CNNM1: variants seen among roughly 807,000 people sequenced by gnomAD.
The protein encoded by CNNM1 is metal transporter CNNM1.
Under a neutral mutation model 78.8 loss-of-function variants are expected in CNNM1, and 44 were observed. The ratio of observed to expected loss-of-function variants is 0.56; its 90% CI spans 0.44 to 0.72. The LOEUF (loss-of-function observed/expected upper bound fraction) is 0.72, where lower values mean the gene tolerates loss of function less well. CNNM1 is among the 30% of genes least tolerant of loss of function. The pLI is 0.00. For synonymous variants in CNNM1, 584 were observed against 581.5 expected (o/e 1.00, Z -0.06); for missense variants, 1,101 against 1,292.2 (o/e 0.85, Z 2.27).
At chr10:99,356,221 C>T (rs958030531) in intron 1 of CNNM1, among the ~76,000 whole-genome samples, 4 of 151,746 alleles carry the variant, frequency 2.6e-5, no homozygotes, top group African/African-American at 2.4e-5. Flanking sequence ...TTTGGGAGGC[C>T]GAGGCAGGTG....
chr10:99,385,135 T>C (rs576565822), intron 7 of CNNM1, among the ~76,000 whole-genome samples: 2 of 152,038 alleles, frequency 1.3e-5, no homozygotes, highest in South Asian at 4.2e-4. Flanking sequence ...AATAAATTAG[T>C]TAAATAATAT....
rs542818326 is a variant in CNNM1, at chr10:99,394,243, T to A, written c.*2727T>A. The A allele has an allele frequency of 4.6e-5, 7 of 152,264 alleles. No individual in the cohort carries two copies. Among genetic ancestry groups the A allele is most frequent in the South Asian group, 4.2e-4 (2 of 4,806 alleles). The allele number at this position is 152,264 out of a possible 1,614,324, so 9.4% of individuals were successfully genotyped here. ...TTTTCTTCAGGTTAAAAAAAAAGTTTAAAAAAAAGATTTTAAAATAAAGCA... is the reference window on the plus strand; with the variant it reads ...TTTTCTTCAGGTTAAAAAAAAAGTTAAAAAAAAAGATTTTAAAATAAAGCA... On this transcript the variant is annotated 3_prime_UTR_variant, in exon 11 of 11. Coordinates refer to ENST00000356713, the MANE Select transcript of CNNM1 (RefSeq NM_020348.3).
intron 4 of CNNM1, among the ~76,000 whole-genome samples, chr10:99,363,285 A>G (rs1048583760): frequency 2.0e-5 from 3 of 152,236 alleles, no homozygotes; most frequent in African/African-American, 7.2e-5. Context: ...AATGGTCTGA[A>G]CAAAATGACC....
intron 1 of CNNM1, among the ~76,000 whole-genome samples, chr10:99,356,626 GA>G (rs759108414): frequency 1.6e-4 from 20 of 126,386 alleles, no homozygotes; most frequent in African/African-American, 3.4e-4. Context: ...AGAAAGAAAA[GA>G]AAAGAAAGAA....
chr10:99,337,050 T>A (rs1417567986), intron 1 of CNNM1, among the ~76,000 whole-genome samples: 1 of 152,242 alleles, frequency 6.6e-6, no homozygotes, highest in East Asian at 1.9e-4. Context: ...ATAATACTAA[T>A]ATTTACTCAT....
chr10:99,365,244 A>G, intron 6 of CNNM1: 2 of 602,908 alleles, frequency 3.3e-6, no homozygotes, highest in Non-Finnish European at 6.0e-6. Flanking sequence ...GGGGGGATGC[A>G]GGGGTTGTGA....
intron 1 of CNNM1, among the ~76,000 whole-genome samples, chr10:99,337,694 T>A (rs1278286571): frequency 6.6e-6 from 1 of 152,226 alleles, no homozygotes; most frequent in East Asian, 1.9e-4. Context: ...ACCCATATAA[T>A]GAGCATCTCC....
chr10:99,368,054 G>A (rs540339845), intron 6 of CNNM1, among the ~76,000 whole-genome samples: 2 of 152,216 alleles, frequency 1.3e-5, no homozygotes, highest in Admixed American at 6.5e-5. Flanking sequence ...TAGAGATATT[G>A]TTCTTCCTTT....
chr10:99,365,100 G>T (rs752792246), intron 6 of CNNM1, 98 bp downstream of exon 6: 1 of 1,245,410 alleles, frequency 8.0e-7, no homozygotes, highest in Admixed American at 1.8e-5. Context: ...CTGGGCTGGG[G>T]CTAAGACAAA....
chr10:99,360,959 C>T lies in CNNM1; in HGVS notation c.1842C>T (p.His614=). Reference sequence around the variant, plus strand: ...CACCACAGCTTCTGCTAGCCACACACCGCTTCATGGCCACAGGTAGGACAA... The same window carrying T: ...CACCACAGCTTCTGCTAGCCACACATCGCTTCATGGCCACAGGTAGGACAA... ...KISPQLLLAT[H]RFMATEVEPF... The change falls in exon 3 of 11, where the codon CAC becomes CAT. Residue 614 remains histidine, a synonymous_variant. Coordinates refer to ENST00000356713, the MANE Select transcript of CNNM1 (RefSeq NM_020348.3). 1.9e-6 allele frequency: 3 copies of T among 1,609,444 alleles called. No homozygotes were observed. Among genetic ancestry groups the T allele is most frequent in the East Asian group, 2.2e-5 (1 of 44,752 alleles).
At chr10:99,357,796 T>C in intron 2 of CNNM1, 141 bp downstream of exon 2, 1 of 719,134 alleles carries the variant, frequency 1.4e-6, no homozygotes, top group Non-Finnish European at 2.0e-6. Context: ...TGCCAGGTGC[T>C]GCTGTGGCAA....
chr10:99,382,803 AG>A (rs2032198137), intron 7 of CNNM1, among the ~76,000 whole-genome samples: 1 of 152,190 alleles, frequency 6.6e-6, no homozygotes, highest in Non-Finnish European at 1.5e-5. Context: ...ATTAGCCTAA[AG>A]GTTAACTTCT....
chr10:99,352,514 A>C (rs1589895517), intron 1 of CNNM1, among the ~76,000 whole-genome samples: 2 of 152,194 alleles, frequency 1.3e-5, no homozygotes, highest in Admixed American at 1.3e-4. Context: ...TTTTTTCTGC[A>C]TCCTAACCAA....
chr10:99,331,263 G>T (rs2029897911), intron 1 of CNNM1, among the ~76,000 whole-genome samples: 1 of 152,144 alleles, frequency 6.6e-6, no homozygotes. Flanking sequence ...TGTGTAGGTG[G>T]GAGATAGCCC....
chr10:99,389,553 C>G (rs2032412888), intron 9 of CNNM1, among the ~76,000 whole-genome samples: 1 of 152,012 alleles, frequency 6.6e-6, no homozygotes, highest in African/African-American at 2.4e-5. Flanking sequence ...TTTCTGCCCC[C>G]AACACCAAAT....
intron 9 of CNNM1, 73 bp from the exon 10 acceptor site, chr10:99,390,233 C>T: frequency 2.7e-6 from 3 of 1,115,044 alleles, no homozygotes; most frequent in South Asian, 2.8e-5. Flanking sequence ...GATGTCATCA[C>T]TCAGAATCAC....
chr10:99,359,781 C>G (rs1165989056), intron 2 of CNNM1, among the ~76,000 whole-genome samples: 1 of 152,114 alleles, frequency 6.6e-6, no homozygotes, highest in Non-Finnish European at 1.5e-5. Flanking sequence ...AGCCCTGTTT[C>G]TCTTTAGGCG....
In CNNM1 at chr10:99,329,999, G is replaced by T. The variant is rs1850566629; in HGVS notation, c.612G>T (p.Leu204=). 3 of 1,404,646 alleles carry T rather than the reference G, an allele frequency of 2.1e-6. No homozygotes were observed. Among genetic ancestry groups the T allele is most frequent in the East Asian group, 5.9e-5 (2 of 33,994 alleles). 87.0% of individuals were successfully genotyped at this position (1,404,646 alleles called of 1,614,324 possible). ...ACCACGGCGCCGCCGGCGGCTTCCTGCTGCGCGTTCGCCCGCGGTTGTACG... is the reference window on the plus strand; with the variant it reads ...ACCACGGCGCCGCCGGCGGCTTCCTTCTGCGCGTTCGCCCGCGGTTGTACG... ...WHHHGAAGGF[L]LRVRPRLYGP... The change falls in exon 1 of 11, where the codon CTG becomes CTT. Residue 204 remains leucine, a synonymous_variant. Transcript: ENST00000356713.
rs775433263 is a variant in CNNM1, at chr10:99,377,105, A to T, written c.2227A>T (p.Asn743Tyr). 2 of 1,600,768 alleles carry T rather than the reference A, an allele frequency of 1.2e-6. No individual in the cohort carries two copies. Among genetic ancestry groups the T allele is most frequent in the South Asian group, 2.3e-5 (2 of 88,424 alleles). ...TGGGTTGAATCGCTCTGAGTCTCCA[A>T]ACCGAGAGCGCAGTGACTTTGGGGG... ...CSGLNRSESPNRERSDFGGSN... is the reference protein window; with the variant it reads ...CSGLNRSESPYRERSDFGGSN... The change falls in exon 7 of 11, where the codon AAC becomes TAC. Residue 743 changes from asparagine to tyrosine, a missense_variant. By Grantham distance (143) the Asn-to-Tyr change is moderately radical. Around this residue, in one of 3 missense-constraint regions of CNNM1, gnomAD observed 348 missense variants for 384.5 expected, o/e 0.90. Transcript: ENST00000356713.
Sources: gnomAD v4.1 joint callset for allele counts (sites outside exome capture counted in the v4.1 genomes callset) on GRCh38, gnomAD v4.1.1 for gene constraint, gnomAD v4.1.1 regional missense constraint, MANE v1.5 for transcripts, NCBI Gene and HGNC (gene_info 2026-07-23, HGNC 2026-07-21) for gene names.